Variants in OASL observed in about 807,000 individuals in gnomAD.
OASL encodes the protein 2'-5'-oligoadenylate synthetase like.
Under a neutral mutation model 35.3 loss-of-function variants are expected in OASL, and 28 were observed. The ratio of observed to expected loss-of-function variants is 0.79; its 90% CI spans 0.59 to 1.09. The LOEUF (loss-of-function observed/expected upper bound fraction) is 1.09, where lower values mean the gene tolerates loss of function less well. Ranked by LOEUF, OASL falls within the 50% of genes least tolerant of loss-of-function variation. The pLI is 0.00. For synonymous variants in OASL, 252 were observed against 254.6 expected (o/e 0.99, Z 0.10); for missense variants, 620 against 635.2 (o/e 0.98, Z 0.26).
intron 3 of OASL, among the ~76,000 whole-genome samples, chr12:121,030,267 C>T (rs989918446): frequency 1.2e-4 from 19 of 152,134 alleles, no homozygotes; most frequent in African/African-American, 4.1e-4. Flanking sequence ...TACAGTGGCG[C>T]GATCTCGGCT....
chr12:121,021,235 A>G (rs917798139), intron 5 of OASL, among the ~76,000 whole-genome samples, 177 bp from the exon 6 acceptor site: 28 of 152,286 alleles, frequency 1.8e-4, no homozygotes, highest in African/African-American at 6.3e-4. Flanking sequence ...CATACCCTTA[A>G]TGCATTTTAT....
chr12:121,027,892 TGA>T (rs2135907705), intron 3 of OASL, 75 bp from the exon 4 acceptor site: 1 of 1,334,654 alleles, frequency 7.5e-7, no homozygotes, highest in East Asian at 2.3e-5. Flanking sequence ...GACCAGAAGC[TGA>T]GAAATCCAAG....
chr12:121,028,896 C>T (rs1403438782), intron 3 of OASL, among the ~76,000 whole-genome samples: 1 of 151,746 alleles, frequency 6.6e-6, no homozygotes, highest in African/African-American at 2.4e-5. Flanking sequence ...GAAACCCCGT[C>T]TCTACTAAAA....
intron 5 of OASL, among the ~76,000 whole-genome samples, chr12:121,021,399 G>A (rs1381683326): frequency 6.6e-6 from 1 of 152,214 alleles, no homozygotes; most frequent in African/African-American, 2.4e-5. Context: ...AGACTCCAGA[G>A]TCTGTGTTCT....
At position 121,033,822 on chromosome 12, in the gene OASL, T is replaced by C. The variant is rs926360661; in HGVS notation, c.199-79A>G. 10 of 1,460,052 alleles carry C rather than the reference T, an allele frequency of 6.8e-6. No homozygotes were observed. The African/African-American group carries it at 1.3e-4, about 18-fold the overall frequency. The allele number at this position is 1,460,052 out of a possible 1,614,324, so 90.4% of individuals were successfully genotyped here. A position where few individuals can be genotyped will look rare whatever the true frequency, so the allele number is the denominator to read the frequency against. On this transcript the variant is annotated intron_variant, in intron 1 of 5. Coordinates refer to ENST00000257570, the Ensembl canonical transcript of OASL. ...CCCCTGCGGCACTTCACATGCACTGTCTCACTGAATGCTCACCACCCGCTG... is the reference window on the plus strand; with the variant it reads ...CCCCTGCGGCACTTCACATGCACTGCCTCACTGAATGCTCACCACCCGCTG...
At chr12:121,019,111 T>C (rs973014770) in exon 6 of OASL, 1 of 152,140 alleles carries the variant, frequency 6.6e-6, no homozygotes, top group African/African-American at 2.4e-5. Flanking sequence ...GACTAAGACA[T>C]TGCATTTTTC....
At chr12:121,035,540 C>CAAAACAAAA (rs1555216047) in intron 1 of OASL, among the ~76,000 whole-genome samples, 1 of 42,978 alleles carries the variant, frequency 2.3e-5, no homozygotes, top group Admixed American at 2.3e-4. Context: ...AACAAAACAA[C>CAAAACAAAA]AAAAAAAAAC....
chr12:121,034,196 CT>C (rs10680000), intron 1 of OASL, among the ~76,000 whole-genome samples: 22 of 146,774 alleles, frequency 1.5e-4, no homozygotes, highest in African/African-American at 1.8e-4. Flanking sequence ...AGCCCAGACT[CT>C]TTTTTTTTTT....
At chr12:121,022,173 G>A (rs1361836027) in intron 5 of OASL, among the ~76,000 whole-genome samples, 14 of 137,836 alleles carry the variant, frequency 1.0e-4, no homozygotes, top group African/African-American at 2.1e-4. Context: ...TGCAACCTCC[G>A]CCTCCCAGGT....
chr12:121,019,305 C>T (rs573474754), exon 6 of OASL: 1 of 152,118 alleles, frequency 6.6e-6, no homozygotes, highest in Non-Finnish European at 1.5e-5. Flanking sequence ...GCTAAATTGA[C>T]CAGAGGCTGT....
intron 1 of OASL, among the ~76,000 whole-genome samples, chr12:121,034,980 T>A (rs1592939921): frequency 6.6e-6 from 1 of 152,124 alleles, no homozygotes; most frequent in Non-Finnish European, 1.5e-5. Flanking sequence ...GTGCCTCTGG[T>A]ATGCAAAGCG....
chr12:121,038,028 A>G (rs919367928), intron 1 of OASL, among the ~76,000 whole-genome samples: 1 of 151,944 alleles, frequency 6.6e-6, no homozygotes, highest in African/African-American at 2.4e-5. Context: ...TTGAGGCTAC[A>G]GTGAGTGGTG....
chr12:121,021,191 T>A, intron 5 of OASL, 133 bp from the exon 6 acceptor site: 1 of 878,302 alleles, frequency 1.1e-6, no homozygotes. Flanking sequence ...TAGGGAGTGG[T>A]AAGCACTTTC....
At position 121,038,768 on chromosome 12, in the gene OASL, T is replaced by A; in HGVS notation, c.198+6A>T. Reference sequence around the variant, plus strand: ...TTGCGTGGGGGCTGGAGGAGCCCAGTCTTACCTTGACTACCTTCAGCACCC... The same window carrying A: ...TTGCGTGGGGGCTGGAGGAGCCCAGACTTACCTTGACTACCTTCAGCACCC... On this transcript the variant is annotated splice_donor_region_variant and intron_variant, in intron 1 of 5. Coordinates refer to ENST00000257570, the Ensembl canonical transcript of OASL. 1 of 1,613,822 alleles carries A rather than the reference T, an allele frequency of 6.2e-7. No individual in the cohort carries two copies. Among genetic ancestry groups the A allele is most frequent in the Non-Finnish European group, 8.5e-7 (1 of 1,179,802 alleles).
rs577544436 is a variant in OASL, at chr12:121,021,109, G to A, written c.1048-51C>T. 13 of 1,495,830 alleles carry A rather than the reference G, an allele frequency of 8.7e-6. No homozygotes were observed. In the South Asian group the frequency reaches 1.6e-4, roughly 18 times the overall value. 92.7% of individuals were successfully genotyped at this position (1,495,830 alleles called of 1,614,324 possible). A position where few individuals can be genotyped will look rare whatever the true frequency, so the allele number is the denominator to read the frequency against. ...GTGTTAAGTCCACACTTCTTTGTCTGATGTGCAAATGTTCCCTTCATCTGT... is the reference window on the plus strand; with the variant it reads ...GTGTTAAGTCCACACTTCTTTGTCTAATGTGCAAATGTTCCCTTCATCTGT... On this transcript the variant is annotated intron_variant, in intron 5 of 5. Transcript: ENST00000257570.
exon 6 of OASL, chr12:121,019,134 A>C (rs1460081978): frequency 6.6e-6 from 1 of 151,878 alleles, no homozygotes; most frequent in East Asian, 1.9e-4. Flanking sequence ...TCTTTTTTTT[A>C]TTTTAAACAA....
chr12:121,026,852 A>T lies in OASL; in HGVS notation c.899+724T>A, dbSNP rs1405728523. On this transcript the variant is annotated intron_variant, in intron 4 of 5. Coordinates refer to ENST00000257570, the Ensembl canonical transcript of OASL. ...GGGTGACAGAGCAAAACTCTGTCTT[A>T]AAAAAAAAAAAAAAAAGTTACGCAA... Among the ~76,000 whole-genome samples the T allele has an allele frequency of 5.4e-5, 7 of 130,758 alleles. No homozygotes were observed. In the Admixed American group the frequency reaches 5.4e-4, roughly 10 times the overall value. The allele number at this position is 130,758 out of a possible 152,430, so 85.8% of individuals were successfully genotyped here. A position where few individuals can be genotyped will look rare whatever the true frequency, so the allele number is the denominator to read the frequency against.
downstream of OASL, among the ~76,000 whole-genome samples, chr12:121,018,479 G>T (rs1869117483): frequency 1.3e-5 from 2 of 151,886 alleles, no homozygotes; most frequent in Admixed American, 1.3e-4. Flanking sequence ...GGAGGGAGGG[G>T]TCATTCATTC....
At chr12:121,031,061 C>A (rs1869708504) in intron 3 of OASL, among the ~76,000 whole-genome samples, 1 of 151,972 alleles carries the variant, frequency 6.6e-6, no homozygotes, top group African/African-American at 2.4e-5. Context: ...TCACTTGAGC[C>A]AGGGAGGTCT....
Sources: allele counts gnomAD v4.1 joint callset (sites outside exome capture counted in the v4.1 genomes callset), GRCh38; gene constraint gnomAD v4.1.1; transcripts MANE v1.5; gene names NCBI Gene and HGNC (gene_info 2026-07-23, HGNC 2026-07-21).